Variants in FAAP20 observed in about 807,000 individuals in gnomAD.
The protein encoded by FAAP20 is FA core complex associated protein 20.
FAAP20 carries 12 observed loss-of-function variants against 16.2 expected under a neutral mutation model. The ratio of observed to expected loss-of-function variants is 0.74; its 90% CI spans 0.48 to 1.20. The LOEUF is 1.20. Among genes scored for constraint, FAAP20 ranks in the 50% most tolerant of loss-of-function variants. The pLI is 0.00. For missense variants in FAAP20, 288 were observed against 245.8 expected, an observed-to-expected ratio of 1.17 and a Z score of -1.15; for synonymous variants, 141 against 110.7, an observed-to-expected ratio of 1.27 and a Z score of -1.72.
upstream of FAAP20, chr1:2,201,147 G>A (rs1214578761): frequency 2.3e-6 from 3 of 1,278,370 alleles, no homozygotes; most frequent in Non-Finnish European, 3.1e-6. Flanking sequence ...TGCTTGGTTT[G>A]CTTCAACTTT....
chr1:2,194,700 C>T lies in FAAP20; in HGVS notation c.50G>A (p.Arg17His). 1 of 1,166,916 alleles carries T rather than the reference C, an allele frequency of 8.6e-7. No individual in the cohort carries two copies. The highest frequency in any genetic ancestry group is 4.1e-5 in the South Asian group (1 of 24,404). 72.3% of individuals were successfully genotyped at this position (1,166,916 alleles called of 1,614,324 possible). A position where few individuals can be genotyped will look rare whatever the true frequency, so the allele number is the denominator to read the frequency against. ...CTCCCGGCCTCACCCGCCCGCCGGG[C>T]GCGGCCTCCGGCGGCTCAACCCCAG... ...PRLGLSRRRP[R>H]PAGGPSGGRP... is the part of the protein sequence containing the mutation. The change falls in exon 1 of 4, where the codon CGC (arginine) becomes CAC (histidine). Residue 17 changes from arginine (R) to histidine (H), a missense_variant. Physicochemically the swap from Arg to His is conservative, Grantham distance 29. Transcript: ENST00000378546.
chr1:2,188,105 ACAC>A (rs1315527700), downstream of FAAP20, among the ~76,000 whole-genome samples: 1 of 152,186 alleles, frequency 6.6e-6, no homozygotes, highest in Non-Finnish European at 1.5e-5. Context: ...CTGGGTGTTC[ACAC>A]CACGTCTGCC....
At chr1:2,197,487 C>G (rs552438581), upstream of FAAP20, among the ~76,000 whole-genome samples, 371 of 152,332 alleles carry the variant, frequency 2.4e-3, no homozygotes, top group Non-Finnish European at 4.3e-3. Context: ...GACCTCAGGG[C>G]TGGCTGAGCC....
downstream of FAAP20, chr1:2,184,564 C>T: frequency 6.2e-7 from 1 of 1,606,242 alleles, no homozygotes; most frequent in Non-Finnish European, 8.5e-7. Context: ...GCTGACCCTT[C>T]TCCTATTGTT....
chr1:2,199,647 C>G (rs757749180), upstream of FAAP20: 526 of 985,382 alleles, frequency 5.3e-4, 2 homozygotes, highest in Middle Eastern at 3.1e-3. The surrounding 1 kb of genome is among the most constrained non-coding windows in gnomAD (Gnocchi z 4.5). Context: ...GCAGCGTCTC[C>G]GAAGACTCAT....
rs1688716748 is a variant in FAAP20, at chr1:2,194,762, C to A, written c.-13G>T. 1.7e-6 allele frequency: 2 copies of A among 1,177,526 alleles called. No individual in the cohort carries two copies. The highest frequency in any genetic ancestry group is 4.1e-5 in the South Asian group (1 of 24,214). The allele number at this position is 1,177,526 out of a possible 1,614,324, so 72.9% of individuals were successfully genotyped here. A position where few individuals can be genotyped will look rare whatever the true frequency, so the allele number is the denominator to read the frequency against. The stretch of plus-strand genomic sequence containing the variant: ...GCGCCGCCTCCATCCAAGCCCGCGC[C>A]GGGCGGAAGTGAGCGCAAGCCCCGC... On this transcript the variant is annotated 5_prime_UTR_variant, in exon 1 of 4. Transcript: ENST00000378546.
At chr1:2,190,830 G>A (rs756576083) in intron 3 of FAAP20, 23 of 232,640 alleles carry the variant, frequency 9.9e-5, no homozygotes, top group African/African-American at 2.2e-4. Flanking sequence ...ACCGCCCCTC[G>A]CTCCCCTACA....
upstream of FAAP20, among the ~76,000 whole-genome samples, chr1:2,197,833 G>C (rs1348706713): frequency 6.6e-6 from 1 of 152,212 alleles, no homozygotes; most frequent in Non-Finnish European, 1.5e-5. Context: ...AGGCACTGGG[G>C]TGACCTCTGC....
chr1:2,198,932 C>T (rs1326188413), upstream of FAAP20: 4 of 1,289,558 alleles, frequency 3.1e-6, no homozygotes, highest in African/African-American at 6.1e-5. Flanking sequence ...GAGACAGTTG[C>T]CTGGGAAACA....
downstream of FAAP20, chr1:2,185,517 T>G (rs755127064): frequency 6.6e-5 from 47 of 716,632 alleles, no homozygotes; most frequent in Non-Finnish European, 1.1e-4. Context: ...GAAGTACCTG[T>G]GGGGACACAC....
chr1:2,186,777 G>A (rs1001658127), downstream of FAAP20: 3 of 157,836 alleles, frequency 1.9e-5, no homozygotes, highest in African/African-American at 7.2e-5. Flanking sequence ...CCCAGAAGTG[G>A]TTAACAAGCA....
chr1:2,192,095 C>T (rs1048572424), intron 3 of FAAP20: 6 of 985,544 alleles, frequency 6.1e-6, no homozygotes, highest in African/African-American at 3.5e-5. Flanking sequence ...GACAGGGCGA[C>T]GGTTCAAGAC....
chr1:2,189,793 G>T lies in FAAP20; in HGVS notation c.471-12C>A. 6.2e-7 allele frequency: 1 copy of T among 1,606,178 alleles called. No individual in the cohort carries two copies. Among genetic ancestry groups the T allele is most frequent in the Non-Finnish European group, 8.5e-7 (1 of 1,173,774 alleles). ...CCAGCTGGGTCAGCCTGCAAGGGAG[G>T]GGCCACACTCACTCGGCCACCTCCG... On this transcript the variant is annotated splice_polypyrimidine_tract_variant and intron_variant, in intron 3 of 3. Coordinates refer to ENST00000378546, the MANE Select transcript of FAAP20 (RefSeq NM_182533.4).
downstream of FAAP20, among the ~76,000 whole-genome samples, chr1:2,210,626 T>C (rs1689411379): frequency 6.6e-6 from 1 of 152,228 alleles, no homozygotes; most frequent in Non-Finnish European, 1.5e-5. Context: ...TGTGAAGCTT[T>C]CTGGGCAGCA....
chr1:2,205,590 G>T (rs1476700643), intron 3 of FAAP20, among the ~76,000 whole-genome samples: 1 of 152,146 alleles, frequency 6.6e-6, no homozygotes, highest in Non-Finnish European at 1.5e-5. Context: ...GGACGGCGAA[G>T]GGGCGGGTGA....
chr1:2,208,477 C>T (rs115111747), downstream of FAAP20, among the ~76,000 whole-genome samples: 1,801 of 152,310 alleles, frequency 0.012, 13 homozygotes, highest in Non-Finnish European at 0.02. Flanking sequence ...GACAAGAGCC[C>T]GCAGGGCAGT....
downstream of FAAP20, among the ~76,000 whole-genome samples, chr1:2,185,733 A>G (rs1687493690): frequency 6.6e-6 from 1 of 152,184 alleles, no homozygotes; most frequent in African/African-American, 2.4e-5. Flanking sequence ...AAAAAAGAGA[A>G]AAAACTGAAC....
At chr1:2,186,071 G>C (rs767326583), downstream of FAAP20, 11 of 454,122 alleles carry the variant, frequency 2.4e-5, no homozygotes, top group Non-Finnish European at 4.4e-5. Flanking sequence ...GCTGCCAGGT[G>C]TCAGGTGTGG....
chr1:2,206,887 C>T (rs1233793768), intron 1 of FAAP20, among the ~76,000 whole-genome samples: 2 of 151,598 alleles, frequency 1.3e-5, no homozygotes, highest in East Asian at 1.9e-4. Flanking sequence ...CAGGCCACGG[C>T]CTCCTGCCTG....
Sources: allele counts gnomAD v4.1 joint callset (sites outside exome capture counted in the v4.1 genomes callset), GRCh38; gene constraint gnomAD v4.1.1; non-coding constraint Gnocchi (gnomAD v3.1); transcripts MANE v1.5; gene names NCBI Gene and HGNC (gene_info 2026-07-23, HGNC 2026-07-21).